IFT88: variants seen among roughly 807,000 people sequenced by gnomAD.
IFT88 encodes the protein intraflagellar transport 88, also known as intraflagellar transport protein 88 homolog.
Under a neutral mutation model 119.5 loss-of-function variants are expected in IFT88, and 74 were observed. That is an observed-to-expected ratio of 0.62 (90% CI 0.51 to 0.75). The LOEUF is 0.75. Ranked by LOEUF, IFT88 falls within the 30% of genes least tolerant of loss-of-function variation. The pLI, the probability that IFT88 is intolerant of heterozygous loss-of-function variation, is 0.00. For synonymous variants in IFT88, 279 were observed against 316.7 expected, an observed-to-expected ratio of 0.88 and a Z score of 1.26; for missense variants, 961 against 977.7, an observed-to-expected ratio of 0.98 and a Z score of 0.23.
chr13:20,639,589 C>G (rs2049542442), intron 17 of IFT88, among the ~76,000 whole-genome samples: 1 of 152,084 alleles, frequency 6.6e-6, no homozygotes, highest in Non-Finnish European at 1.5e-5. Context: ...GAGGCTATGA[C>G]CACTTGGGTA....
chr13:20,664,037 ATGCTCCTTG>A (rs2054244564), intron 23 of IFT88, among the ~76,000 whole-genome samples: 1 of 152,224 alleles, frequency 6.6e-6, no homozygotes, highest in African/African-American at 2.4e-5. Context: ...CTCAGGCTTT[ATGCTCCTTG>A]AAGGGTTACC....
At position 20,641,383 on chromosome 13, in the gene IFT88, A is replaced by C. The variant is rs749566598; in HGVS notation, c.1667A>C (p.Tyr556Ser). 3.1e-6 allele frequency: 5 copies of C among 1,606,110 alleles called. No homozygotes were observed. The highest frequency in any genetic ancestry group is 4.3e-6 in the Non-Finnish European group (5 of 1,173,680). Residue 556 changes from tyrosine (Y) to serine (S), a missense_variant, in exon 18 of 26, where the codon TAC becomes TCC. Coordinates refer to ENST00000351808, the MANE Select transcript of IFT88 (RefSeq NM_006531.5). ...CTACGAAACAGTGCCGAAGTTCTTT[A>C]CCAGATAGCAAATATGTATCTTATT... is the stretch of plus-strand genomic sequence containing the variant. ...AILRNSAEVL[Y>S]QIANIYELME...
intron 20 of IFT88, among the ~76,000 whole-genome samples, chr13:20,650,402 C>T (rs988729128): frequency 1.3e-5 from 2 of 152,046 alleles, no homozygotes; most frequent in African/African-American, 2.4e-5. Context: ...GCGGAAAAGG[C>T]GTATGACAAA....
At chr13:20,679,132 A>G (rs1462521349) in intron 24 of IFT88, among the ~76,000 whole-genome samples, 1 of 152,228 alleles carries the variant, frequency 6.6e-6, no homozygotes, top group Non-Finnish European at 1.5e-5. Context: ...CATTATACAG[A>G]TGAGGAGTAA....
At chr13:20,631,340 C>G in intron 16 of IFT88, 1 of 445,134 alleles carries the variant, frequency 2.2e-6, no homozygotes, top group Non-Finnish European at 4.1e-6. Flanking sequence ...TGATAAGCAT[C>G]GCATCATAGA....
intron 13 of IFT88, among the ~76,000 whole-genome samples, chr13:20,608,287 C>T (rs79570601): frequency 0.014 from 2,113 of 152,278 alleles, 52 homozygotes; most frequent in African/African-American, 0.048. Flanking sequence ...TCAGAAGCAC[C>T]GGGGTTCCTG....
At chr13:20,600,625 G>T (rs1157701558) in intron 11 of IFT88, among the ~76,000 whole-genome samples, 2 of 152,174 alleles carry the variant, frequency 1.3e-5, no homozygotes, top group Non-Finnish European at 2.9e-5. Flanking sequence ...GAAACAATAA[G>T]TTTTGGTGAG....
At chr13:20,649,030 G>T (rs190789453) in intron 20 of IFT88, among the ~76,000 whole-genome samples, 150 of 152,294 alleles carry the variant, frequency 9.8e-4, no homozygotes, top group African/African-American at 3.4e-3. Flanking sequence ...AGCAAAAATT[G>T]ATATAATTAA....
rs180843896 is a variant in IFT88, at chr13:20,643,628, C to T, written c.1833+23C>T. On this transcript the variant is annotated intron_variant, in intron 19 of 25. Coordinates refer to ENST00000351808, the MANE Select transcript of IFT88 (RefSeq NM_006531.5). Reference sequence around the variant, plus strand: ...GAGGTAGGTGTGTTATCTTAATTTCCTTCTGTGTTTTAGCATTTTATGAAT... The same window carrying T: ...GAGGTAGGTGTGTTATCTTAATTTCTTTCTGTGTTTTAGCATTTTATGAAT... 5 of 1,536,424 alleles carry T rather than the reference C, an allele frequency of 3.3e-6. No homozygotes were observed. In the East Asian group the frequency reaches 9.1e-5, roughly 28 times the overall value.
chr13:20,582,725 A>G (rs919239911), intron 2 of IFT88, among the ~76,000 whole-genome samples: 1 of 152,146 alleles, frequency 6.6e-6, no homozygotes, highest in Non-Finnish European at 1.5e-5. Flanking sequence ...TGTAGCCAAT[A>G]AGATGTCCAT....
At chr13:20,619,913 C>T (rs2046223966) in intron 14 of IFT88, among the ~76,000 whole-genome samples, 1 of 152,134 alleles carries the variant, frequency 6.6e-6, no homozygotes, top group Non-Finnish European at 1.5e-5. Context: ...GCCAGCCATA[C>T]TGTGGCATCT....
intron 20 of IFT88, among the ~76,000 whole-genome samples, chr13:20,646,465 G>A (rs905523858): frequency 7.9e-5 from 5 of 63,366 alleles, no homozygotes; most frequent in Non-Finnish European, 1.6e-4. Context: ...ACTGCACCCG[G>A]CTAATTTTTG....
chr13:20,595,582 G>A (rs1347477117), intron 7 of IFT88, among the ~76,000 whole-genome samples: 3 of 151,308 alleles, frequency 2.0e-5, no homozygotes, highest in Admixed American at 6.6e-5. Flanking sequence ...GAGCCACCAC[G>A]CCTGGCCATG....
chr13:20,605,080 C>A lies in IFT88; in HGVS notation c.1087C>A (p.His363Asn). The A allele has an allele frequency of 6.7e-7, 1 of 1,496,492 alleles. No individual in the cohort carries two copies. The highest frequency in any genetic ancestry group is 1.2e-5 in the South Asian group (1 of 85,494). 92.7% of individuals were successfully genotyped at this position (1,496,492 alleles called of 1,614,324 possible). ...NLVTEAIKND[H>N]LRQMERERKA... ...AGTAACTGAAGCTATAAAAAATGATCACCTCAGGCAAATGGAACGTGAAAG... is the reference window on the plus strand; with the variant it reads ...AGTAACTGAAGCTATAAAAAATGATAACCTCAGGCAAATGGAACGTGAAAG... The change falls in exon 13 of 26, where the codon CAC becomes AAC. Residue 363 changes from histidine (H) to asparagine (N), a missense_variant. By Grantham distance (68) the His-to-Asn change is moderately conservative. Transcript: ENST00000351808.
At chr13:20,650,602 T>C (rs1310927551) in intron 20 of IFT88, among the ~76,000 whole-genome samples, 1 of 152,120 alleles carries the variant, frequency 6.6e-6, no homozygotes, top group Non-Finnish European at 1.5e-5. Flanking sequence ...GTACTGGAAG[T>C]TCTAGCCAGA....
intron 23 of IFT88, among the ~76,000 whole-genome samples, chr13:20,668,049 A>T (rs1313394396): frequency 1.3e-5 from 2 of 152,176 alleles, no homozygotes; most frequent in African/African-American, 4.8e-5. Flanking sequence ...AGCTCTGTAT[A>T]TGTGGCGTTT....
intron 7 of IFT88, among the ~76,000 whole-genome samples, chr13:20,593,642 A>AT (rs989622347): frequency 2.0e-5 from 3 of 151,884 alleles, no homozygotes; most frequent in East Asian, 1.9e-4. Flanking sequence ...AAATCATGTT[A>AT]TTTTTTATCT....
chr13:20,626,188 G>GT (rs1159194951), intron 15 of IFT88, among the ~76,000 whole-genome samples: 1 of 150,492 alleles, frequency 6.6e-6, no homozygotes, highest in Non-Finnish European at 1.5e-5. Flanking sequence ...AGCCTCCCGA[G>GT]TAGCTGGGAC....
At chr13:20,591,471 G>A in intron 5 of IFT88, 147 bp from the exon 6 acceptor site, 1 of 522,444 alleles carries the variant, frequency 1.9e-6, no homozygotes, top group African/African-American at 2.0e-5. Context: ...ATTGATACAT[G>A]AGGAGGTAGA....
Sources: gnomAD v4.1 joint callset for allele counts (sites outside exome capture counted in the v4.1 genomes callset) on GRCh38, gnomAD v4.1.1 for gene constraint, MANE v1.5 for transcripts, NCBI Gene and HGNC (gene_info 2026-07-23, HGNC 2026-07-21) for gene names.